ATP8B4: variants seen among roughly 807,000 people sequenced by gnomAD.
The protein encoded by ATP8B4 is probable phospholipid-transporting ATPase IM.
Under a neutral mutation model 145.6 loss-of-function variants are expected in ATP8B4, and 133 were observed. The ratio of observed to expected loss-of-function variants is 0.91; its 90% CI spans 0.79 to 1.05. The LOEUF is 1.05. Ranked by LOEUF, ATP8B4 falls within the 50% of genes least tolerant of loss-of-function variation. The pLI is 0.00. For synonymous variants in ATP8B4, 507 were observed against 492.9 expected, an observed-to-expected ratio of 1.03 and a Z score of -0.38; for missense variants, 1,458 against 1,425.2, an observed-to-expected ratio of 1.02 and a Z score of -0.37.
intron 1 of ATP8B4, among the ~76,000 whole-genome samples, chr15:50,177,099 A>G (rs186281239): frequency 2.6e-5 from 4 of 152,322 alleles, no homozygotes; most frequent in Admixed American, 2.6e-4. Flanking sequence ...AACAACAGTC[A>G]GAGATTATTC....
intron 1 of ATP8B4, among the ~76,000 whole-genome samples, chr15:50,165,220 T>A (rs1424504052): frequency 6.6e-6 from 1 of 152,040 alleles, no homozygotes; most frequent in Admixed American, 6.6e-5. Flanking sequence ...CCCCAGCTAA[T>A]TTTTGTATTT....
At chr15:49,861,473 T>TCTATCTATCTACCTAC (rs1285604644) in intron 27 of ATP8B4, among the ~76,000 whole-genome samples, 21 of 135,590 alleles carry the variant, frequency 1.5e-4, no homozygotes, top group African/African-American at 3.6e-4. Flanking sequence ...TATCTATCTA[T>TCTATCTATCTACCTAC]CTACCTACCT....
In ATP8B4 at chr15:50,024,898, G is replaced by A. The variant is rs183496660; in HGVS notation, c.362+13870C>T. ...CAATAACACAGAACACTAGGGTAAA[G>A]ATGGGCTTGGTATCCGAGGACCTCA... is the stretch of plus-strand genomic sequence containing the variant. On this transcript the variant is annotated intron_variant, in intron 6 of 27. Transcript: ENST00000284509. Among the ~76,000 whole-genome samples the A allele has an allele frequency of 4.6e-5, 7 of 152,274 alleles. No homozygotes were observed. The East Asian group carries it at 1.3e-3, about 29-fold the overall frequency.
chr15:50,124,498 C>T (rs982862366), intron 1 of ATP8B4, among the ~76,000 whole-genome samples: 13 of 151,844 alleles, frequency 8.6e-5, no homozygotes, highest in African/African-American at 2.9e-4. Flanking sequence ...GATAGAGACC[C>T]GGATTTAGAA....
In ATP8B4 at chr15:49,860,191, G is replaced by T. The variant is rs755440734; in HGVS notation, c.*3C>A. On this transcript the variant is annotated 3_prime_UTR_variant, in exon 28 of 28. Coordinates refer to ENST00000284509, the MANE Select transcript of ATP8B4 (RefSeq NM_024837.4). ...TAACTACGTGGTTTAAATTCATATT[G>T]ACTCACAGTTTCACTGTTTTATCCT... The T allele has an allele frequency of 2.1e-5, 33 of 1,605,148 alleles. No homozygotes were observed. The highest frequency in any genetic ancestry group is 2.6e-5 in the Non-Finnish European group (31 of 1,175,768).
At chr15:50,093,697 A>C (rs963354439) in intron 2 of ATP8B4, among the ~76,000 whole-genome samples, 1 of 152,170 alleles carries the variant, frequency 6.6e-6, no homozygotes, top group Non-Finnish European at 1.5e-5. Context: ...TAAATATTCT[A>C]CTTAAAAGCC....
chr15:49,909,143 T>C (rs1443410336), intron 20 of ATP8B4, among the ~76,000 whole-genome samples: 3 of 151,986 alleles, frequency 2.0e-5, no homozygotes, highest in Non-Finnish European at 4.4e-5. Flanking sequence ...CCGCACTCCA[T>C]ACCCCCCACC....
intron 14 of ATP8B4, among the ~76,000 whole-genome samples, chr15:49,954,217 T>C (rs2043352527): frequency 6.6e-6 from 1 of 152,200 alleles, no homozygotes. Flanking sequence ...GGACTTCATC[T>C]TGTGACTGTG....
intron 2 of ATP8B4, among the ~76,000 whole-genome samples, chr15:50,084,427 A>G (rs992897623): frequency 5.9e-5 from 9 of 152,164 alleles, no homozygotes; most frequent in African/African-American, 2.2e-4. Context: ...CCTCCTCTGC[A>G]CACACCCTGG....
At chr15:50,132,723 G>A (rs1334560252) in intron 1 of ATP8B4, among the ~76,000 whole-genome samples, 2 of 152,286 alleles carry the variant, frequency 1.3e-5, no homozygotes, top group Admixed American at 6.5e-5. Context: ...ATGCCCATCA[G>A]TGACAGACTG....
rs536087115 is a variant in ATP8B4 at position 50,111,569 on chromosome 15, G to A, written c.-42-4561C>T. On this transcript the variant is annotated intron_variant, in intron 1 of 27. Coordinates refer to ENST00000284509, the MANE Select transcript of ATP8B4 (RefSeq NM_024837.4). ...AAAGCCATCCAAGAGAACAGCCCTC[G>A]GAGCTGTTCGGGGGGATGGGGAAGC... 7.9e-5 allele frequency among the ~76,000 whole-genome samples: 12 copies of A among 152,278 alleles called. 1 individual carries two copies. In the East Asian group the frequency reaches 1.4e-3, roughly 17 times the overall value.
intron 1 of ATP8B4, among the ~76,000 whole-genome samples, chr15:50,169,962 A>T (rs2044647971): frequency 6.6e-6 from 1 of 152,172 alleles, no homozygotes; most frequent in Admixed American, 6.5e-5. Context: ...CTTCGAATTA[A>T]CCCAATACAA....
chr15:50,054,409 A>C (rs1001271155), intron 3 of ATP8B4, among the ~76,000 whole-genome samples: 1 of 152,252 alleles, frequency 6.6e-6, no homozygotes, highest in Non-Finnish European at 1.5e-5. Context: ...ATTAATGGAT[A>C]TCACTAATGG....
At chr15:50,146,186 G>C (rs1595645334) in intron 1 of ATP8B4, among the ~76,000 whole-genome samples, 1 of 151,886 alleles carries the variant, frequency 6.6e-6, no homozygotes, top group South Asian at 2.1e-4. Flanking sequence ...CTAATTTTTT[G>C]TGTTTTTAGT....
chr15:49,948,013 A>G (rs1432594920), intron 14 of ATP8B4, among the ~76,000 whole-genome samples: 1 of 152,136 alleles, frequency 6.6e-6, no homozygotes, highest in African/African-American at 2.4e-5. Context: ...CAACTATAAA[A>G]CTCCTAGAAG....
intron 23 of ATP8B4, among the ~76,000 whole-genome samples, chr15:49,881,106 C>T (rs572164671): frequency 1.9e-4 from 27 of 144,318 alleles, no homozygotes; most frequent in African/African-American, 6.0e-4. Context: ...AGCAAGACTC[C>T]GTCTCAAAAC....
At chr15:50,120,612 T>A (rs1365983527), upstream of ATP8B4, among the ~76,000 whole-genome samples, 2 of 152,194 alleles carry the variant, frequency 1.3e-5, no homozygotes, top group African/African-American at 4.8e-5. Flanking sequence ...GAAATGTGTA[T>A]GTGTTTTTAT....
chr15:50,017,203 C>T (rs911310460), intron 6 of ATP8B4, among the ~76,000 whole-genome samples: 1 of 152,104 alleles, frequency 6.6e-6, no homozygotes, highest in Non-Finnish European at 1.5e-5. Flanking sequence ...ACCTCCTTTG[C>T]CAACAGTACA....
At chr15:49,933,318 C>T (rs540326223) in intron 15 of ATP8B4, among the ~76,000 whole-genome samples, 3 of 152,038 alleles carry the variant, frequency 2.0e-5, no homozygotes, top group Non-Finnish European at 2.9e-5. Flanking sequence ...GAACCAAAGA[C>T]CTTGTAGGAA....
Sources: allele counts gnomAD v4.1 joint callset (sites outside exome capture counted in the v4.1 genomes callset), GRCh38; gene constraint gnomAD v4.1.1; transcripts MANE v1.5; gene names NCBI Gene and HGNC (gene_info 2026-07-23, HGNC 2026-07-21).